E2F2: variants seen among roughly 807,000 people sequenced by gnomAD.
E2F2 encodes the protein transcription factor E2F2.
In E2F2, 22 loss-of-function variants were observed where a neutral mutation model predicts 42.2. The ratio of observed to expected loss-of-function variants is 0.52; its 90% CI spans 0.37 to 0.74. E2F2 has a LOEUF of 0.74. E2F2 is among the 30% of genes least tolerant of loss of function. The pLI is 0.00. For missense variants in E2F2, 481 were observed against 557.8 expected (o/e 0.86, Z 1.39); for synonymous variants, 248 against 251.6 (o/e 0.99, Z 0.13).
chr1:23,512,456 TA>T (rs529178670), intron 6 of E2F2, among the ~76,000 whole-genome samples: 82 of 147,882 alleles, frequency 5.5e-4, no homozygotes, highest in African/African-American at 1.4e-3. Context: ...GTATATTAAT[TA>T]AAAAAAAAAA....
rs1434296379 is a variant in E2F2 at position 23,522,010 on chromosome 1, C to T, written c.405G>A (p.Gly135=). 6.2e-7 allele frequency: 1 copy of T among 1,614,088 alleles called. No homozygotes were observed. Among genetic ancestry groups the T allele is most frequent in the African/African-American group, 1.3e-5 (1 of 74,924 alleles). Reference sequence around the variant, plus strand: ...GGTAAATGAACTTCTTGGTGAGCAGCCCCAGCGAAGTGTCATACCGAGTCT... The same window carrying T: ...GGTAAATGAACTTCTTGGTGAGCAGTCCCAGCGAAGTGTCATACCGAGTCT... ...GEKTRYDTSL[G]LLTKKFIYLL... is the part of the protein sequence containing the mutation. The change falls in exon 3 of 7, where the codon GGG becomes GGA. Residue 135 remains glycine (G), a synonymous_variant. Transcript: ENST00000361729.
At chr1:23,525,160 C>T (rs889420714) in intron 1 of E2F2, among the ~76,000 whole-genome samples, 7 of 151,842 alleles carry the variant, frequency 4.6e-5, no homozygotes, top group Non-Finnish European at 5.9e-5. Flanking sequence ...GAATCCTTCC[C>T]GTGTCTTAAG....
At position 23,524,450 on chromosome 1, in the gene E2F2, G is replaced by A. The variant is rs367603815; in HGVS notation, c.291C>T (p.Pro97=). The A allele has an allele frequency of 1.1e-4, 176 of 1,613,410 alleles. No homozygotes were observed. The highest frequency in any genetic ancestry group is 1.6e-4 in the South Asian group (15 of 91,008). Residue 97 remains proline (P), a synonymous_variant, in exon 2 of 7, where the codon CCC becomes CCT. Transcript: ENST00000361729. ...TGGGGGTTGGGAACTCAGGGACGAC[G>A]GGCCTCCCAATCCCCTCCAGATCCA... ...RKLDLEGIGR[P]VVPEFPTPKG... is the part of the protein sequence containing the mutation.
At chr1:23,514,896 CTGT>C (rs1479422920) in intron 6 of E2F2, among the ~76,000 whole-genome samples, 1 of 149,854 alleles carries the variant, frequency 6.7e-6, no homozygotes, top group Non-Finnish European at 1.5e-5. Context: ...CTTGTGGTCT[CTGT>C]CACATAGTTG....
In E2F2 at chr1:23,530,629, G is replaced by T; in HGVS notation, c.165C>A (p.Pro55=). The T allele has an allele frequency of 6.2e-7, 1 of 1,613,232 alleles. No individual in the cohort carries two copies. The highest frequency in any genetic ancestry group is 8.5e-7 in the Non-Finnish European group (1 of 1,179,774). The change falls in exon 1 of 7, where the codon CCC becomes CCA. Residue 55 remains proline (P), a synonymous_variant. Coordinates refer to ENST00000361729, the MANE Select transcript of E2F2 (RefSeq NM_004091.4). The surrounding 1 kb of genome is among the most constrained non-coding windows in gnomAD (Gnocchi z 4.4). ...YTPLYPQTAP[P]AAAPGTCLDA... is the part of the protein sequence containing the mutation. ...CGAGGCAGGTGCCTGGCGCCGCTGC[G>T]GGAGGCGCCGTCTGCGGGTACAGCG...
intron 5 of E2F2, among the ~76,000 whole-genome samples, chr1:23,518,408 T>C (rs539196859): frequency 1.3e-5 from 2 of 151,672 alleles, no homozygotes; most frequent in Admixed American, 1.3e-4. Flanking sequence ...GAGGCGGAGA[T>C]TGCAGTCAGC....
chr1:23,516,679 G>A, intron 5 of E2F2, 152 bp from the exon 6 acceptor site: 1 of 576,986 alleles, frequency 1.7e-6, no homozygotes, highest in Non-Finnish European at 2.9e-6. Context: ...GCCTAACTAA[G>A]GTGGACTTCC....
chr1:23,513,578 G>A (rs1642956081), intron 6 of E2F2, among the ~76,000 whole-genome samples: 1 of 145,862 alleles, frequency 6.9e-6, no homozygotes, highest in African/African-American at 2.7e-5. Context: ...GTGTGTGTGT[G>A]TGTGTGTGTG....
chr1:23,529,507 G>A (rs1643304369), intron 1 of E2F2, among the ~76,000 whole-genome samples: 1 of 152,196 alleles, frequency 6.6e-6, no homozygotes, highest in South Asian at 2.1e-4. Context: ...CCCTGTACCC[G>A]AACTTATTCA....
intron 4 of E2F2, among the ~76,000 whole-genome samples, chr1:23,519,791 G>A (rs1436262861): frequency 6.6e-6 from 1 of 152,036 alleles, no homozygotes; most frequent in Non-Finnish European, 1.5e-5. Context: ...TCAGCTGGGT[G>A]TGAAGGCCGG....
intron 1 of E2F2, among the ~76,000 whole-genome samples, chr1:23,525,431 C>A (rs1643235406): frequency 6.6e-6 from 1 of 152,204 alleles, no homozygotes; most frequent in Non-Finnish European, 1.5e-5. Flanking sequence ...GCTTGAATCT[C>A]CAGCTCCTTC....
At chr1:23,522,084 C>T (rs1643161898) in intron 2 of E2F2, 28 bp from the exon 3 acceptor site, 4 of 1,609,140 alleles carry the variant, frequency 2.5e-6, no homozygotes, top group Non-Finnish European at 3.4e-6. Context: ...CCAGTCACAG[C>T]TCAGGGAGGG....
At position 23,524,240 on chromosome 1, in the gene E2F2, A is replaced by C. The variant is rs1042465099; in HGVS notation, c.358+143T>G. On this transcript the variant is annotated intron_variant, in intron 2 of 6. Transcript: ENST00000361729. The stretch of plus-strand genomic sequence containing the variant: ...TTAGTAAAGACAGACAAGCCTACCT[A>C]CCTGGCAGGATCAAATAATAAAATA... The C allele has an allele frequency of 4.8e-6, 3 of 631,520 alleles. No individual in the cohort carries two copies. The South Asian group carries it at 7.4e-5, about 16-fold the overall frequency. 39.1% of individuals were successfully genotyped at this position (631,520 alleles called of 1,614,324 possible).
At position 23,522,069 on chromosome 1, in the gene E2F2, G is replaced by A. The variant is rs200915377; in HGVS notation, c.359-13C>T. The stretch of plus-strand genomic sequence containing the variant: ...GGGGATTTGGGGGCTGAAGAAGAAA[G>A]GGACCCAGTCACAGCTCAGGGAGGG... On this transcript the variant is annotated splice_polypyrimidine_tract_variant and intron_variant, in intron 2 of 6. Coordinates refer to ENST00000361729, the MANE Select transcript of E2F2 (RefSeq NM_004091.4). 3.1e-6 allele frequency: 5 copies of A among 1,613,058 alleles called. No homozygotes were observed. The African/African-American group carries it at 5.3e-5, about 17-fold the overall frequency.
chr1:23,529,293 C>T (rs373059694), intron 1 of E2F2, among the ~76,000 whole-genome samples: 2 of 152,176 alleles, frequency 1.3e-5, no homozygotes, highest in African/African-American at 2.4e-5. Flanking sequence ...GGGGATAATA[C>T]CATTCCTGCC....
intron 2 of E2F2, among the ~76,000 whole-genome samples, chr1:23,523,739 T>C (rs543963827): frequency 9.2e-5 from 14 of 152,254 alleles, no homozygotes; most frequent in Middle Eastern, 3.4e-3. Flanking sequence ...ACACTGGTCA[T>C]TGAGTTTAGA....
rs896663137 is a variant in E2F2 at position 23,509,627 on chromosome 1, G to A, written c.*253C>T. 78 of 559,244 alleles carry A rather than the reference G, an allele frequency of 1.4e-4. No homozygotes were observed. The highest frequency in any genetic ancestry group is 2.8e-4 in the Admixed American group (6 of 21,782). 34.6% of individuals were successfully genotyped at this position (559,244 alleles called of 1,614,324 possible). On this transcript the variant is annotated 3_prime_UTR_variant, in exon 7 of 7. Coordinates refer to ENST00000361729, the MANE Select transcript of E2F2 (RefSeq NM_004091.4). ...GCAGCCTTCTTGTGAGAGGTCAGAA[G>A]TCAGAAGACTGGATGGGCCTCCCTA...
At chr1:23,513,578 GT>G (rs1224018345) in intron 6 of E2F2, among the ~76,000 whole-genome samples, 2 of 145,862 alleles carry the variant, frequency 1.4e-5, no homozygotes, top group African/African-American at 5.5e-5. Context: ...GTGTGTGTGT[GT>G]GTGTGTGTGT....
chr1:23,517,468 A>G (rs1643045821), intron 5 of E2F2, among the ~76,000 whole-genome samples: 1 of 152,238 alleles, frequency 6.6e-6, no homozygotes, highest in South Asian at 2.1e-4. Flanking sequence ...TCTTCAGTCT[A>G]TAAATGACAG....
Sources: gnomAD v4.1 joint callset for allele counts (sites outside exome capture counted in the v4.1 genomes callset) on GRCh38, gnomAD v4.1.1 for gene constraint, Gnocchi (gnomAD v3.1) non-coding constraint, MANE v1.5 for transcripts, NCBI Gene and HGNC (gene_info 2026-07-23, HGNC 2026-07-21) for gene names.